The following GABRB2 variants were observed in gnomAD, a reference collection of about 807,000 sequenced individuals.
The protein encoded by GABRB2 is gamma-aminobutyric acid type A receptor subunit beta2, also known as gamma-aminobutyric acid receptor subunit beta-2.
In GABRB2, 16 loss-of-function variants were observed where a neutral mutation model predicts 54.7. That is an observed-to-expected ratio of 0.29 (90% CI 0.20 to 0.44). The LOEUF is 0.44. Ranked by LOEUF, GABRB2 falls within the 20% of genes least tolerant of loss-of-function variation. GABRB2 has a pLI of 1.00. For synonymous variants in GABRB2, 244 were observed against 233.8 expected (o/e 1.04, Z -0.40); for missense variants, 355 against 644.0 (o/e 0.55, Z 4.86).
chr5:161,421,767 C>T (rs1255675169), intron 4 of GABRB2, among the ~76,000 whole-genome samples: 2 of 152,048 alleles, frequency 1.3e-5, no homozygotes. Context: ...CAAAACGAGT[C>T]AGTGACCAAT....
intron 3 of GABRB2, among the ~76,000 whole-genome samples, chr5:161,536,582 A>T (rs755694280): frequency 6.6e-6 from 1 of 151,358 alleles, no homozygotes; most frequent in African/African-American, 2.4e-5. Context: ...TCTTCAACCT[A>T]CTCCTTTCTA....
Position 161,329,296 on chromosome 5 carries a change from A to T in GABRB2, c.1077+1587T>A, listed in dbSNP as rs370732147. On this transcript the variant is annotated intron_variant, in intron 8 of 9. Transcript: ENST00000393959. ...CTTCTCTAAGACTACTATGTCATGA[A>T]AATCAGAAAATAGGTTTAGAAAATA... 9.9e-5 allele frequency: 15 copies of T among 152,260 alleles called. No individual in the cohort carries two copies. The East Asian group carries it at 2.1e-3, about 22-fold the overall frequency. The allele number at this position is 152,260 out of a possible 1,614,324, so 9.4% of individuals were successfully genotyped here.
At chr5:161,352,040 A>G (rs888860969) in intron 5 of GABRB2, among the ~76,000 whole-genome samples, 5 of 152,058 alleles carry the variant, frequency 3.3e-5, no homozygotes, top group Non-Finnish European at 7.4e-5. Flanking sequence ...ATTATCAACA[A>G]GACAAAAGAT....
At chr5:161,507,309 T>A (rs1322375591) in intron 3 of GABRB2, among the ~76,000 whole-genome samples, 1 of 152,032 alleles carries the variant, frequency 6.6e-6, no homozygotes, top group East Asian at 1.9e-4. Context: ...TAATGGCAAA[T>A]AATAAAGTAG....
intron 3 of GABRB2, among the ~76,000 whole-genome samples, chr5:161,469,516 A>AC (rs976977924): frequency 2.0e-5 from 3 of 151,396 alleles, no homozygotes; most frequent in African/African-American, 7.3e-5. Flanking sequence ...AACCAAAAAA[A>AC]ACCAAAAAAC....
intron 3 of GABRB2, among the ~76,000 whole-genome samples, chr5:161,489,034 A>T (rs986551818): frequency 2.6e-5 from 4 of 151,756 alleles, no homozygotes; most frequent in African/African-American, 9.7e-5. Context: ...ACATGCTGAA[A>T]TTTAAGCTGA....
At chr5:161,449,037 C>A (rs2113229769) in intron 4 of GABRB2, among the ~76,000 whole-genome samples, 1 of 152,220 alleles carries the variant, frequency 6.6e-6, no homozygotes, top group East Asian at 1.9e-4. Context: ...ATACTCAGTT[C>A]TTTTTAAGGG....
At chr5:161,365,098 T>G (rs1242122893) in intron 5 of GABRB2, among the ~76,000 whole-genome samples, 1 of 152,134 alleles carries the variant, frequency 6.6e-6, no homozygotes, top group African/African-American at 2.4e-5. Flanking sequence ...GAGAAACCGT[T>G]TTTTGGGCAG....
At chr5:161,328,994 T>C (rs1343274237) in intron 8 of GABRB2, among the ~76,000 whole-genome samples, 1 of 152,202 alleles carries the variant, frequency 6.6e-6, no homozygotes, top group African/African-American at 2.4e-5. Flanking sequence ...GATAGGCTTT[T>C]CACCACTATG....
chr5:161,315,375 A>G (rs1327839691), intron 9 of GABRB2, among the ~76,000 whole-genome samples: 1 of 152,176 alleles, frequency 6.6e-6, no homozygotes, highest in South Asian at 2.1e-4. Context: ...GCATTAATAA[A>G]ATACATGGCA....
chr5:161,326,095 C>T (rs748560614), intron 9 of GABRB2, among the ~76,000 whole-genome samples: 1 of 152,090 alleles, frequency 6.6e-6, no homozygotes, highest in Non-Finnish European at 1.5e-5. Flanking sequence ...GAAAAGGATT[C>T]TCAAAATACG....
chr5:161,470,696 T>A (rs898752378), intron 3 of GABRB2, among the ~76,000 whole-genome samples: 1 of 151,964 alleles, frequency 6.6e-6, no homozygotes, highest in Admixed American at 6.6e-5. Flanking sequence ...ATCACACTCC[T>A]CTGAACGGCA....
At chr5:161,339,868 A>C (rs1754104312) in intron 5 of GABRB2, among the ~76,000 whole-genome samples, 1 of 152,014 alleles carries the variant, frequency 6.6e-6, no homozygotes, top group Non-Finnish European at 1.5e-5. Flanking sequence ...TATCTATGTG[A>C]CTGACCTCAA....
At chr5:161,523,295 A>T (rs552644921) in intron 3 of GABRB2, among the ~76,000 whole-genome samples, 1 of 151,600 alleles carries the variant, frequency 6.6e-6, no homozygotes, top group African/African-American at 2.4e-5. Context: ...ATTAGTTTTA[A>T]GAAAAAATTC....
At chr5:161,300,289 A>T (rs1259883440) in intron 9 of GABRB2, among the ~76,000 whole-genome samples, 1 of 152,204 alleles carries the variant, frequency 6.6e-6, no homozygotes, top group Non-Finnish European at 1.5e-5. Context: ...ATTCAATAGC[A>T]ATTATCATTC....
intron 3 of GABRB2, among the ~76,000 whole-genome samples, chr5:161,482,684 G>C (rs1430843357): frequency 6.6e-6 from 1 of 152,082 alleles, no homozygotes; most frequent in Non-Finnish European, 1.5e-5. Context: ...GTTATCCAAA[G>C]ATGCCCCTAT....
intron 5 of GABRB2, among the ~76,000 whole-genome samples, chr5:161,350,329 C>T (rs1214619048): frequency 1.3e-5 from 2 of 151,974 alleles, no homozygotes; most frequent in African/African-American, 2.4e-5. Flanking sequence ...AGAGCTAATA[C>T]ACAAATTCAA....
intron 4 of GABRB2, among the ~76,000 whole-genome samples, chr5:161,440,038 G>A (rs1290319485): frequency 7.4e-6 from 1 of 135,152 alleles, no homozygotes; most frequent in East Asian, 2.2e-4. Context: ...AATACTATTT[G>A]CAAGCCTCAT....
intron 8 of GABRB2, 60 bp from the exon 9 acceptor site, chr5:161,326,541 G>A: frequency 6.5e-7 from 1 of 1,542,414 alleles, no homozygotes; most frequent in Non-Finnish European, 8.8e-7. Flanking sequence ...GATTAGGCCT[G>A]ATGGTTAAAG....
Sources: gnomAD v4.1 joint callset for allele counts (sites outside exome capture counted in the v4.1 genomes callset) on GRCh38, gnomAD v4.1.1 for gene constraint, MANE v1.5 for transcripts, NCBI Gene and HGNC (gene_info 2026-07-23, HGNC 2026-07-21) for gene names.